Variants in CAST observed in about 807,000 individuals in gnomAD.
CAST encodes calpastatin, also known as MIR583 host.
A neutral mutation model predicts 119.6 loss-of-function variants in CAST; 76 were observed. That is an observed-to-expected ratio of 0.64 (90% CI 0.53 to 0.77). CAST has a LOEUF of 0.77. Ranked by LOEUF, CAST falls within the 30% of genes least tolerant of loss-of-function variation. The pLI is 0.00. For synonymous variants in CAST, 319 were observed against 331.6 expected, an observed-to-expected ratio of 0.96 and a Z score of 0.41; for missense variants, 953 against 946.5, an observed-to-expected ratio of 1.01 and a Z score of -0.09.
the CAST span, among the ~76,000 whole-genome samples, chr5:96,104,415 G>C: frequency 3.3e-5 from 5 of 152,226 alleles, no homozygotes; most frequent in South Asian, 1.0e-3. Flanking sequence ...TTTTGTATAA[G>C]GTGTAAGGAA....
chr5:96,407,182 T>A, the CAST span, among the ~76,000 whole-genome samples: 531 of 152,268 alleles, frequency 3.5e-3, 2 homozygotes, highest in African/African-American at 0.012. Context: ...CTGACAAACA[T>A]AACTACATAC....
At chr5:96,282,794 C>T in the CAST span, among the ~76,000 whole-genome samples, 11 of 152,072 alleles carry the variant, frequency 7.2e-5, no homozygotes, top group Admixed American at 7.2e-4. Context: ...TAGTGCTTTC[C>T]AACCTTGGCT....
At chr5:96,009,273 A>C in the CAST span, among the ~76,000 whole-genome samples, 4,029 of 152,256 alleles carry the variant, frequency 0.026, 170 homozygotes, top group African/African-American at 0.091. Context: ...AATGAACATA[A>C]GAGTGATTGT....
At chr5:96,513,140 C>G in the CAST span, among the ~76,000 whole-genome samples, 1 of 152,174 alleles carries the variant, frequency 6.6e-6, no homozygotes, top group Non-Finnish European at 1.5e-5. Flanking sequence ...GTTGTATGAC[C>G]TTTGTCAAGT....
chr5:95,996,596 T>TA, the CAST span, among the ~76,000 whole-genome samples: 1 of 152,202 alleles, frequency 6.6e-6, no homozygotes, highest in Non-Finnish European at 1.5e-5. Flanking sequence ...GTTATACATC[T>TA]ATTGTCTATT....
At chr5:96,541,775 G>A (rs1172351003) in intron 1 of CAST, among the ~76,000 whole-genome samples, 1 of 152,010 alleles carries the variant, frequency 6.6e-6, no homozygotes, top group Non-Finnish European at 1.5e-5. Flanking sequence ...AAGCTTTCTC[G>A]GCATTGTTTT....
chr5:96,718,877 AGAATTCTGACGCATCC>A (rs1184092716), intron 3 of CAST, among the ~76,000 whole-genome samples: 2 of 152,118 alleles, frequency 1.3e-5, no homozygotes, highest in Admixed American at 1.3e-4. Flanking sequence ...ATGAGGAGAA[AGAATTCTGACGCATCC>A]GATGCCCCAC....
chr5:96,492,328 G>T, the CAST span, among the ~76,000 whole-genome samples: 1 of 152,058 alleles, frequency 6.6e-6, no homozygotes. Flanking sequence ...GCTTAAGTTG[G>T]GTCTTGAGTA....
At chr5:96,405,953 C>G in the CAST span, among the ~76,000 whole-genome samples, 1 of 152,154 alleles carries the variant, frequency 6.6e-6, no homozygotes, top group Non-Finnish European at 1.5e-5. Context: ...TTTCTTTTAA[C>G]AGCTCCCTGG....
At chr5:96,029,455 A>G in the CAST span, among the ~76,000 whole-genome samples, 1 of 152,144 alleles carries the variant, frequency 6.6e-6, no homozygotes, top group Non-Finnish European at 1.5e-5. Flanking sequence ...CAAAAGTGAC[A>G]ATCTGAAAAA....
the CAST span, among the ~76,000 whole-genome samples, chr5:96,123,862 C>T: frequency 6.6e-6 from 1 of 152,136 alleles, no homozygotes; most frequent in Non-Finnish European, 1.5e-5. Flanking sequence ...AATGGCCTAT[C>T]GTTCCTTAAA....
At chr5:96,351,949 G>T in the CAST span, among the ~76,000 whole-genome samples, 1 of 152,248 alleles carries the variant, frequency 6.6e-6, no homozygotes. Context: ...TAATTGCAGA[G>T]ACCAAAATAA....
chr5:96,366,991 T>C, the CAST span, among the ~76,000 whole-genome samples: 7 of 152,200 alleles, frequency 4.6e-5, no homozygotes, highest in African/African-American at 1.7e-4. Flanking sequence ...GATGGTGGTG[T>C]ACAGATGGGG....
the CAST span, among the ~76,000 whole-genome samples, chr5:96,389,235 G>A: frequency 6.6e-5 from 10 of 152,212 alleles, no homozygotes; most frequent in South Asian, 1.0e-3. Flanking sequence ...TTTGCTTAAA[G>A]AGTTTTCTTA....
chr5:96,757,383 G>T, intron 22 of CAST, 61 bp from the exon 23 acceptor site: 6 of 1,445,604 alleles, frequency 4.2e-6, no homozygotes, highest in Non-Finnish European at 5.8e-6. Flanking sequence ...TGTTTACAAG[G>T]TTTCATACTT....
chr5:96,070,966 C>T, the CAST span, among the ~76,000 whole-genome samples: 4 of 152,026 alleles, frequency 2.6e-5, no homozygotes, highest in Non-Finnish European at 4.4e-5. Flanking sequence ...ATCAAAAGTG[C>T]AAAGGAAGAA....
chr5:96,584,156 C>G (rs981751842), intron 1 of CAST, among the ~76,000 whole-genome samples: 24 of 152,164 alleles, frequency 1.6e-4, no homozygotes, highest in African/African-American at 5.8e-4. Flanking sequence ...CAAGATGAAA[C>G]TGTTCCACCT....
At chr5:96,233,937 T>C in the CAST span, among the ~76,000 whole-genome samples, 65 of 150,484 alleles carry the variant, frequency 4.3e-4, 1 homozygote, top group Admixed American at 1.3e-3. Context: ...TTTTTTGTTC[T>C]TACATAATTG....
At chr5:96,226,096 G>A in the CAST span, among the ~76,000 whole-genome samples, 1 of 152,150 alleles carries the variant, frequency 6.6e-6, no homozygotes, top group Non-Finnish European at 1.5e-5. Flanking sequence ...AATAAAAATA[G>A]TGTCAATATG....
Sources: gnomAD v4.1 joint callset for allele counts (sites outside exome capture counted in the v4.1 genomes callset) on GRCh38, gnomAD v4.1.1 for gene constraint, MANE v1.5 for transcripts, NCBI Gene and HGNC (gene_info 2026-07-23, HGNC 2026-07-21) for gene names.